The following NONO variants were observed in gnomAD, a reference collection of about 807,000 sequenced individuals.
NONO encodes the protein non-POU domain-containing octamer-binding protein.
A neutral mutation model predicts 40.2 loss-of-function variants in NONO; 6 were observed. That is an observed-to-expected ratio of 0.15 (90% CI 0.08 to 0.29). The LOEUF (loss-of-function observed/expected upper bound fraction) is 0.29, where lower values mean the gene tolerates loss of function less well. Ranked by LOEUF, NONO falls within the 10% of genes least tolerant of loss-of-function variation. The pLI is 1.00. For missense variants in NONO, 133 were observed against 397.8 expected (o/e 0.33, Z 5.66); for synonymous variants, 89 against 123.3 (o/e 0.72, Z 1.85).
At chrX:71,299,914 A>G (rs2031539540) in intron 11 of NONO, 28 bp from the exon 12 acceptor site, 5 of 1,207,394 alleles carry the variant, frequency 4.1e-6, no homozygotes, top group Non-Finnish European at 5.6e-6. Flanking sequence ...TGGCTCTGTT[A>G]CAGTGTTGCT....
intron 1 of NONO, chrX:71,284,142 G>T (rs768307356): frequency 9.0e-6 from 1 of 111,684 alleles, no homozygotes; most frequent in East Asian, 2.8e-4. Context: ...GGGCAAGTGG[G>T]GCCCCTCAAG....
chrX:71,295,897 G>A (rs1246345519), intron 5 of NONO, among the ~76,000 whole-genome samples: 2 of 111,743 alleles, frequency 1.8e-5, no homozygotes, highest in African/African-American at 3.2e-5. Context: ...TAGTCATTCG[G>A]TAGGTTGTCA....
chrX:71,288,987 G>A (rs1425660000), intron 2 of NONO, among the ~76,000 whole-genome samples: 2 of 112,307 alleles, frequency 1.8e-5, no homozygotes, highest in African/African-American at 6.5e-5. Context: ...TATGTACTGT[G>A]GGCTAGGATT....
chrX:71,290,278 G>T (rs1371132212), intron 2 of NONO, among the ~76,000 whole-genome samples: 2 of 111,193 alleles, frequency 1.8e-5, no homozygotes, highest in Non-Finnish European at 1.9e-5. Context: ...CAAACTCCTG[G>T]ACTCCAGCAG....
At position 71,298,695 on chromosome X, in the gene NONO, ACTC is replaced by A. The variant is rs759524596; in HGVS notation, c.1172-11_1172-9del. 5.0e-6 allele frequency: 6 copies of A among 1,189,168 alleles called. No homozygotes were observed. Among genetic ancestry groups the A allele is most frequent in the Non-Finnish European group, 6.8e-6 (6 of 878,031 alleles). ...CTTTATCCCTTGTGCTGATCACACT[ACTC>A]TGCCTTAGGTGCTATGGGCATAAAC... On this transcript the variant is annotated splice_polypyrimidine_tract_variant and intron_variant, in intron 10 of 11. Coordinates refer to ENST00000276079, the MANE Select transcript of NONO (RefSeq NM_007363.5).
rs142366840 is a variant in NONO at position 71,290,802 on chromosome X, G to C, written c.154+11G>C. On this transcript the variant is annotated intron_variant, in intron 3 of 11. Transcript: ENST00000276079. ...AGGCCAGCAGCCAAAGTGTGTATAT[G>C]CTAGGTGATGGAGTAGAAATGGATT... 2,198 of 1,127,808 alleles carry C rather than the reference G, an allele frequency of 1.9e-3. 22 individuals are homozygous for C. The African/African-American group carries it at 0.035, about 18-fold the overall frequency. 92.9% of individuals were successfully genotyped at this position (1,127,808 alleles called of 1,213,427 possible).
At chrX:71,299,802 A>C (rs2031536604) in intron 11 of NONO, 140 bp from the exon 12 acceptor site, 2 of 730,366 alleles carry the variant, frequency 2.7e-6, no homozygotes, top group Admixed American at 3.3e-5. Flanking sequence ...AGTTCTAAAC[A>C]GACTTAGTCA....
chrX:71,296,175 C>T (rs1425666164), intron 5 of NONO, among the ~76,000 whole-genome samples: 1 of 100,299 alleles, frequency 1.0e-5, no homozygotes, highest in Non-Finnish European at 2.0e-5. Context: ...GACAGTCTCA[C>T]TCTGTAGCCC....
chrX:71,289,796 G>A (rs1158890583), intron 2 of NONO, among the ~76,000 whole-genome samples: 2 of 109,268 alleles, frequency 1.8e-5, no homozygotes, highest in Admixed American at 9.9e-5. Flanking sequence ...TTTTGGAGAC[G>A]GAGTCTCACT....
chrX:71,301,032 A>G lies in NONO; in HGVS notation c.*956A>G, dbSNP rs1490247483. ...CTGACAGTAGCTCTTAGACTCGCCT[A>G]TCTTAGGTAGTCATGCTGTGCATTT... On this transcript the variant is annotated 3_prime_UTR_variant, in exon 12 of 12. Transcript: ENST00000276079. The G allele has an allele frequency of 6.6e-6, 1 of 151,992 alleles. No individual in the cohort carries two copies. Among genetic ancestry groups the G allele is most frequent in the African/African-American group, 3.1e-5 (1 of 32,296 alleles). The allele number at this position is 151,992 out of a possible 1,213,427, so 12.5% of individuals were successfully genotyped here.
At chrX:71,290,546 TG>T (rs1393337353) in intron 2 of NONO, 82 bp from the exon 3 acceptor site, 63 of 769,437 alleles carry the variant, frequency 8.2e-5, no homozygotes, top group Non-Finnish European at 1.2e-4. Context: ...CTTAAGGTGA[TG>T]AATTACATAT....
intron 11 of NONO, among the ~76,000 whole-genome samples, 154 bp downstream of exon 11, chrX:71,298,970 A>G (rs1264300306): frequency 2.7e-5 from 3 of 110,744 alleles, no homozygotes; most frequent in Admixed American, 9.6e-5. Context: ...TGCCCAGGCT[A>G]GAGTGCAATG....
At position 71,299,967 on chromosome X, in the gene NONO, G is replaced by T; in HGVS notation, c.1307G>T (p.Gly436Val). The change falls in exon 12 of 12, where the codon GGT (glycine) becomes GTT (valine). Residue 436 changes from glycine to valine, a missense_variant. This residue lies in a region of NONO where 73 missense variants were observed against 162.2 expected (regional missense o/e 0.45). Coordinates refer to ENST00000276079, the MANE Select transcript of NONO (RefSeq NM_007363.5). Reference protein sequence around the residue: ...GLTPPTTERFGQAATMEGIGA... With the variant: ...GLTPPTTERFVQAATMEGIGA... ...ACCCCACCAACAACTGAACGCTTTG[G>T]TCAGGCTGCTACAATGGAAGGAATT... 4 of 1,211,392 alleles carry T rather than the reference G, an allele frequency of 3.3e-6. No individual in the cohort carries two copies. The highest frequency in any genetic ancestry group is 4.5e-6 in the Non-Finnish European group (4 of 895,310).
chrX:71,290,831 T>C, intron 3 of NONO, 40 bp downstream of exon 3: 1 of 1,091,054 alleles, frequency 9.2e-7, no homozygotes, highest in African/African-American at 1.9e-5. Context: ...ATGGATTCCC[T>C]CTGGGAATGG....
Position 71,291,831 on chromosome X carries a change from C to T in NONO, c.207C>T (p.Thr69=), listed in dbSNP as rs750573159. The change falls in exon 4 of 12, where the codon ACC becomes ACT. Residue 69 remains threonine (T), a synonymous_variant. Coordinates refer to ENST00000276079, the MANE Select transcript of NONO (RefSeq NM_007363.5). ...LKNFRKPGEK[T]FTQRSRLFVG... ...ATTTTAGAAAACCAGGAGAGAAGAC[C>T]TTCACCCAACGAAGCCGTCTTTTTG... 7.5e-6 allele frequency: 9 copies of T among 1,203,432 alleles called. No individual in the cohort carries two copies. Among genetic ancestry groups the T allele is most frequent in the South Asian group, 1.8e-5 (1 of 55,213 alleles).
intron 4 of NONO, among the ~76,000 whole-genome samples, chrX:71,293,339 T>A (rs2031366304): frequency 1.8e-5 from 2 of 111,468 alleles, no homozygotes; most frequent in South Asian, 7.6e-4. Context: ...CCAGCACTTT[T>A]TGGGAGGCCA....
In NONO at chrX:71,296,554, C is replaced by A; in HGVS notation, c.651-11C>A. ...GATTTGATTAACACTGAACTTTGTT[C>A]TTTCTTCCAGATTTCCTCGTCCTGT... On this transcript the variant is annotated splice_polypyrimidine_tract_variant and intron_variant, in intron 5 of 11. Coordinates refer to ENST00000276079, the MANE Select transcript of NONO (RefSeq NM_007363.5). 1.7e-6 allele frequency: 2 copies of A among 1,173,184 alleles called. No individual in the cohort carries two copies. Among genetic ancestry groups the A allele is most frequent in the Non-Finnish European group, 1.2e-6 (1 of 866,525 alleles).
In NONO at chrX:71,300,371, A is replaced by T; in HGVS notation, c.*295A>T. On this transcript the variant is annotated 3_prime_UTR_variant, in exon 12 of 12. Coordinates refer to ENST00000276079, the MANE Select transcript of NONO (RefSeq NM_007363.5). ...AAAGTGGATCCAGTTAGAGCCCATTAATCTTGATCATTCCGGTTTTTTTTT... is the reference window on the plus strand; with the variant it reads ...AAAGTGGATCCAGTTAGAGCCCATTTATCTTGATCATTCCGGTTTTTTTTT... 3.2e-6 allele frequency: 1 copy of T among 310,679 alleles called. No individual in the cohort carries two copies. The highest frequency in any genetic ancestry group is 5.6e-5 in the East Asian group (1 of 17,750). 25.6% of individuals were successfully genotyped at this position (310,679 alleles called of 1,213,427 possible). A position where few individuals can be genotyped will look rare whatever the true frequency, so the allele number is the denominator to read the frequency against.
intron 4 of NONO, chrX:71,292,424 C>T (rs906145746): frequency 9.0e-6 from 1 of 111,633 alleles, no homozygotes; most frequent in Non-Finnish European, 1.9e-5. Context: ...TCTCGAGCTC[C>T]TGACCTCAGG....
Sources: gnomAD v4.1 joint callset for allele counts (sites outside exome capture counted in the v4.1 genomes callset) on GRCh38, gnomAD v4.1.1 for gene constraint, gnomAD v4.1.1 regional missense constraint, MANE v1.5 for transcripts, NCBI Gene and HGNC (gene_info 2026-07-23, HGNC 2026-07-21) for gene names.